Variants in GAS7 observed in about 807,000 individuals in gnomAD.
GAS7 encodes the protein growth arrest specific 7.
GAS7 carries 28 observed loss-of-function variants against 71.1 expected under a neutral mutation model. The ratio of observed to expected loss-of-function variants is 0.39; its 90% CI spans 0.29 to 0.54. GAS7 has a LOEUF of 0.54. GAS7 is among the 20% of genes least tolerant of loss of function. The pLI, the probability that GAS7 is intolerant of heterozygous loss-of-function variation, is 0.62. For synonymous variants in GAS7, 258 were observed against 245.8 expected (o/e 1.05, Z -0.46); for missense variants, 436 against 627.8 (o/e 0.69, Z 3.27).
chr17:10,094,811 C>A (rs887267591), intron 1 of GAS7, among the ~76,000 whole-genome samples: 5 of 152,136 alleles, frequency 3.3e-5, no homozygotes, highest in African/African-American at 1.2e-4. Flanking sequence ...ACCTGCCTCA[C>A]GAGGGGATTA....
At chr17:10,047,382 G>A (rs2072992934) in intron 1 of GAS7, among the ~76,000 whole-genome samples, 1 of 152,116 alleles carries the variant, frequency 6.6e-6, no homozygotes, top group African/African-American at 2.4e-5. Context: ...GTGCACCATC[G>A]AACCCTACAG....
intron 1 of GAS7, among the ~76,000 whole-genome samples, chr17:10,021,506 A>C (rs2072267914): frequency 6.6e-6 from 1 of 152,186 alleles, no homozygotes; most frequent in Admixed American, 6.5e-5. Context: ...TAAGTTTCAC[A>C]ATGCATTTTC....
Position 9,966,015 on chromosome 17 carries a change from T to G in GAS7, c.471+3662A>C, listed in dbSNP as rs1273926973. ...CAAAATTCTTTTTTTTTTTTTTTTT[T>G]GGAGATGGAGTCTCGCTCTGTCGCC... On this transcript the variant is annotated intron_variant, in intron 4 of 13. Coordinates refer to ENST00000432992, the MANE Select transcript of GAS7 (RefSeq NM_201433.2). 6.4e-5 allele frequency among the ~76,000 whole-genome samples: 9 copies of G among 141,036 alleles called. No homozygotes were observed. In the South Asian group the frequency reaches 1.5e-3, roughly 24 times the overall value. 92.5% of individuals were successfully genotyped at this position (141,036 alleles called of 152,430 possible).
intron 1 of GAS7, among the ~76,000 whole-genome samples, chr17:10,102,842 C>T (rs895284420): frequency 6.6e-6 from 1 of 151,764 alleles, no homozygotes; most frequent in African/African-American, 2.4e-5. Flanking sequence ...AGCCACAAAT[C>T]CCAAACAGGC....
At chr17:10,088,418 A>G (rs1030067076) in intron 1 of GAS7, among the ~76,000 whole-genome samples, 2 of 151,986 alleles carry the variant, frequency 1.3e-5, no homozygotes, top group Non-Finnish European at 2.9e-5. Flanking sequence ...TAACACTCCA[A>G]TACTCTGAGC....
chr17:9,946,280 C>T (rs1432220157), intron 6 of GAS7, among the ~76,000 whole-genome samples: 3 of 152,150 alleles, frequency 2.0e-5, no homozygotes, highest in Non-Finnish European at 4.4e-5. Flanking sequence ...ATCTAGCACA[C>T]AACGGACCAT....
intron 1 of GAS7, among the ~76,000 whole-genome samples, chr17:10,147,416 A>C (rs1208504610): frequency 6.6e-6 from 1 of 152,220 alleles, no homozygotes; most frequent in Non-Finnish European, 1.5e-5. Flanking sequence ...AAAAATGCTC[A>C]GACAACCTCA....
At chr17:9,953,654 C>T (rs371470879) in intron 5 of GAS7, among the ~76,000 whole-genome samples, 5 of 152,344 alleles carry the variant, frequency 3.3e-5, no homozygotes, top group African/African-American at 1.2e-4. Flanking sequence ...GCTATTTGCT[C>T]GTTCACTTTC....
At chr17:9,941,596 C>T (rs1031277905) in intron 7 of GAS7, among the ~76,000 whole-genome samples, 2 of 152,220 alleles carry the variant, frequency 1.3e-5, no homozygotes, top group African/African-American at 4.8e-5. Flanking sequence ...ATGGTGTATG[C>T]GTTTTCTCTA....
In GAS7 at chr17:9,917,460, C is replaced by T. The variant is rs77559966; in HGVS notation, c.1318-119G>A. 1,786 of 733,432 alleles carry T rather than the reference C, an allele frequency of 2.4e-3. 27 individuals are homozygous for T. Among genetic ancestry groups the T allele is most frequent in the African/African-American group, 0.024 (1,358 of 57,576 alleles). 45.4% of individuals were successfully genotyped at this position (733,432 alleles called of 1,614,324 possible). The stretch of plus-strand genomic sequence containing the variant: ...TGAGAGCAGCCTCTCTAGAGGGCTC[C>T]GGGGCCCCAGGGGGAGGCCCATCTG... On this transcript the variant is annotated intron_variant, in intron 13 of 13. Coordinates refer to ENST00000432992, the MANE Select transcript of GAS7 (RefSeq NM_201433.2).
In GAS7 at chr17:10,046,845, G is replaced by GAAAGA. The variant is rs1345007319; in HGVS notation, c.184-26953_184-26949dup. ...GGAAGGAAGGAAGGAAGGAAGGAAG[G>GAAAGA]AAAGAAAAGAAAAGAAAAAAGAAAA... On this transcript the variant is annotated intron_variant, in intron 1 of 13. Coordinates refer to ENST00000432992, the MANE Select transcript of GAS7 (RefSeq NM_201433.2). 8.3e-5 allele frequency among the ~76,000 whole-genome samples: 9 copies of GAAAGA among 108,558 alleles called. 2 individuals carry two copies. Among genetic ancestry groups the GAAAGA allele is most frequent in the South Asian group, 5.7e-4 (2 of 3,524 alleles). 71.2% of individuals were successfully genotyped at this position (108,558 alleles called of 152,430 possible).
At chr17:10,112,225 C>G (rs542228985) in intron 1 of GAS7, among the ~76,000 whole-genome samples, 1 of 152,214 alleles carries the variant, frequency 6.6e-6, no homozygotes, top group Non-Finnish European at 1.5e-5. Flanking sequence ...GATGCATCCT[C>G]GAGCACGTGA....
Position 10,198,362 on chromosome 17 carries a change from T to C in GAS7, c.29A>G (p.Tyr10Cys). The C allele has an allele frequency of 1.9e-6, 3 of 1,595,436 alleles. No individual in the cohort carries two copies. The highest frequency in any genetic ancestry group is 2.5e-6 in the Non-Finnish European group (3 of 1,177,746). MSGARCRTL[Y>C]PFSGERHGQG... ...GCCGTGCCGCTCCCCGGAGAAGGGGTACAGGGTCCGGCAGCGAGCGCCGGA... is the reference window on the plus strand; with the variant it reads ...GCCGTGCCGCTCCCCGGAGAAGGGGCACAGGGTCCGGCAGCGAGCGCCGGA... The change falls in exon 1 of 14, where the codon TAC becomes TGC. Residue 10 changes from tyrosine to cysteine, a missense_variant. Transcript: ENST00000432992.
At chr17:10,081,406 G>A (rs998400849) in intron 1 of GAS7, among the ~76,000 whole-genome samples, 82 of 152,212 alleles carry the variant, frequency 5.4e-4, no homozygotes, top group African/African-American at 1.9e-3. Flanking sequence ...CACCCGCCTC[G>A]GCCTCCCAAA....
chr17:10,072,620 C>T (rs1437586101), intron 1 of GAS7, among the ~76,000 whole-genome samples: 1 of 152,218 alleles, frequency 6.6e-6, no homozygotes, highest in Non-Finnish European at 1.5e-5. Flanking sequence ...GCCACACCAT[C>T]GCCTTAGAAA....
Position 9,974,317 on chromosome 17 carries a change from A to G in GAS7, c.386-4555T>C, listed in dbSNP as rs1481927046. On this transcript the variant is annotated intron_variant, in intron 3 of 13. Transcript: ENST00000432992. This position sits in a 1 kb window ranked among gnomAD's most constrained non-coding sequence, Gnocchi z 4.0. ...GAGATCTAGACAGTTATAGCCCACA[A>G]GATCCTGGCAACCCTCACCCACGGC... Among the ~76,000 whole-genome samples, 1 of 152,018 alleles carries G rather than the reference A, an allele frequency of 6.6e-6. No homozygotes were observed. The highest frequency in any genetic ancestry group is 1.5e-5 in the Non-Finnish European group (1 of 67,988).
intron 5 of GAS7, among the ~76,000 whole-genome samples, chr17:9,956,771 C>CG (rs1006155885): frequency 1.4e-4 from 21 of 152,178 alleles, no homozygotes; most frequent in Non-Finnish European, 2.5e-4. Context: ...TTCTGCTCTG[C>CG]GGGATCAGAC....
intron 1 of GAS7, among the ~76,000 whole-genome samples, chr17:10,188,185 G>C (rs1388083065): frequency 2.6e-5 from 4 of 152,026 alleles, no homozygotes; most frequent in Admixed American, 2.0e-4. Context: ...AGAGGCTGCA[G>C]TGAGCCGAGA....
chr17:9,985,494 C>T (rs988979647), intron 2 of GAS7, among the ~76,000 whole-genome samples: 3 of 152,226 alleles, frequency 2.0e-5, no homozygotes, highest in African/African-American at 4.8e-5. Context: ...GATATCACAA[C>T]CTTGTTCACT....
Sources: allele counts gnomAD v4.1 joint callset (sites outside exome capture counted in the v4.1 genomes callset), GRCh38; gene constraint gnomAD v4.1.1; non-coding constraint Gnocchi (gnomAD v3.1); transcripts MANE v1.5; gene names NCBI Gene and HGNC (gene_info 2026-07-23, HGNC 2026-07-21).